The following GRID1 variants were observed in gnomAD, a reference collection of about 807,000 sequenced individuals.
GRID1 encodes glutamate receptor ionotropic, delta-1.
A neutral mutation model predicts 98.0 loss-of-function variants in GRID1; 28 were observed. The observed-to-expected ratio is 0.29, with a 90% CI of 0.21 to 0.39. GRID1 has a LOEUF of 0.39. Ranked by LOEUF, GRID1 falls within the 10% of genes least tolerant of loss-of-function variation. The probability of loss-of-function intolerance (pLI) is 1.00; values close to 1 mark genes in which losing one functional copy is unlikely to be tolerated. For synonymous variants in GRID1, 553 were observed against 538.5 expected, an observed-to-expected ratio of 1.03 and a Z score of -0.37; for missense variants, 1,111 against 1,340.5, an observed-to-expected ratio of 0.83 and a Z score of 2.67.
chr10:85,890,576 G>A (rs1841185609), intron 5 of GRID1, among the ~76,000 whole-genome samples: 1 of 152,162 alleles, frequency 6.6e-6, no homozygotes, highest in South Asian at 2.1e-4. Context: ...TTCTCACTGT[G>A]CCTCCAAAAC....
intron 3 of GRID1, among the ~76,000 whole-genome samples, chr10:86,139,588 C>A (rs1410405274): frequency 6.6e-6 from 1 of 152,200 alleles, no homozygotes; most frequent in Admixed American, 6.5e-5. Context: ...GGCATGGGAC[C>A]CTGTCTGGCT....
At chr10:85,997,854 A>T (rs1842758752) in intron 4 of GRID1, among the ~76,000 whole-genome samples, 1 of 152,236 alleles carries the variant, frequency 6.6e-6, no homozygotes. Flanking sequence ...ATATAGGTAG[A>T]TTAATCATAA....
intron 4 of GRID1, among the ~76,000 whole-genome samples, chr10:85,992,216 G>A (rs144882601): frequency 3.4e-4 from 52 of 152,194 alleles, no homozygotes; most frequent in African/African-American, 9.9e-4. Flanking sequence ...GGGGTTTAGG[G>A]AAGTACAGTG....
chr10:85,944,188 G>A (rs1842027777), intron 4 of GRID1, among the ~76,000 whole-genome samples: 1 of 152,234 alleles, frequency 6.6e-6, no homozygotes, highest in African/African-American at 2.4e-5. Context: ...CTTCCCGGCT[G>A]AGCCCAGCCC....
chr10:86,271,713 C>T (rs1047883916), intron 2 of GRID1, among the ~76,000 whole-genome samples: 13 of 151,844 alleles, frequency 8.6e-5, no homozygotes, highest in Non-Finnish European at 1.5e-5. Context: ...AGAAACTATC[C>T]AAAGTTAAAT....
At chr10:85,755,082 TC>T (rs1842084110) in intron 8 of GRID1, among the ~76,000 whole-genome samples, 1 of 151,982 alleles carries the variant, frequency 6.6e-6, no homozygotes, top group Admixed American at 6.6e-5. Context: ...TCTCCCTAGT[TC>T]CCCCCACTAT....
intron 4 of GRID1, among the ~76,000 whole-genome samples, chr10:86,008,890 A>G (rs927333348): frequency 3.3e-5 from 5 of 152,186 alleles, no homozygotes; most frequent in Non-Finnish European, 1.5e-5. Context: ...ACTCTTGCAC[A>G]TGTACAGCAG....
intron 2 of GRID1, among the ~76,000 whole-genome samples, chr10:86,245,805 C>A (rs925828362): frequency 3.3e-5 from 5 of 152,218 alleles, no homozygotes. Flanking sequence ...CACAGCTGGC[C>A]GGCCTTGGGC....
intron 2 of GRID1, among the ~76,000 whole-genome samples, chr10:86,299,303 T>TC (rs1480305083): frequency 4.7e-5 from 7 of 149,562 alleles, no homozygotes; most frequent in African/African-American, 1.7e-4. Flanking sequence ...TTTCCTGGCC[T>TC]CTGGTAACCA....
At chr10:86,327,820 G>A (rs1164154896) in intron 2 of GRID1, among the ~76,000 whole-genome samples, 1 of 152,082 alleles carries the variant, frequency 6.6e-6, no homozygotes, top group Non-Finnish European at 1.5e-5. Context: ...CCTGTCGCTG[G>A]GTGTGCAAAT....
chr10:86,320,699 A>T (rs1847958166), intron 2 of GRID1, among the ~76,000 whole-genome samples: 1 of 152,226 alleles, frequency 6.6e-6, no homozygotes, highest in South Asian at 2.1e-4. Flanking sequence ...ATTTTAACAA[A>T]CACACACACA....
chr10:85,755,973 G>T (rs1842094179), intron 8 of GRID1, among the ~76,000 whole-genome samples: 1 of 152,006 alleles, frequency 6.6e-6, no homozygotes, highest in Non-Finnish European at 1.5e-5. Context: ...TTCTCTCACT[G>T]TGGTCATCTC....
At chr10:85,814,094 T>C (rs1262647254) in intron 8 of GRID1, among the ~76,000 whole-genome samples, 1 of 151,866 alleles carries the variant, frequency 6.6e-6, no homozygotes, top group Non-Finnish European at 1.5e-5. Context: ...AACCCAACTC[T>C]ATCAATAATT....
intron 6 of GRID1, among the ~76,000 whole-genome samples, chr10:85,865,685 T>C (rs1227287035): frequency 1.3e-5 from 2 of 151,914 alleles, no homozygotes; most frequent in East Asian, 1.9e-4. Flanking sequence ...TAGTAGAAAT[T>C]AGTTTGCCTT....
At chr10:86,126,008 G>T (rs1342442277) in intron 4 of GRID1, among the ~76,000 whole-genome samples, 1 of 152,084 alleles carries the variant, frequency 6.6e-6, no homozygotes, top group Non-Finnish European at 1.5e-5. Flanking sequence ...ACAGATTTTT[G>T]ACTGCATGGG....
In GRID1 at chr10:86,078,291, C is replaced by T. The variant is rs530547448; in HGVS notation, c.726+60528G>A. Among the ~76,000 whole-genome samples, 7 of 152,392 alleles carry T rather than the reference C, an allele frequency of 4.6e-5. No homozygotes were observed. The South Asian group carries it at 8.3e-4, about 18-fold the overall frequency. On this transcript the variant is annotated intron_variant, in intron 4 of 15. Transcript: ENST00000327946. ...ATTTTAATGGACAACACAATTGATCCATTTCTGCCTGGGCTTTTTGCCTCC... is the reference window on the plus strand; with the variant it reads ...ATTTTAATGGACAACACAATTGATCTATTTCTGCCTGGGCTTTTTGCCTCC...
chr10:85,962,364 C>T (rs999668763), intron 4 of GRID1, among the ~76,000 whole-genome samples: 1 of 152,192 alleles, frequency 6.6e-6, no homozygotes, highest in Non-Finnish European at 1.5e-5. Context: ...CTTAAGGAGA[C>T]AACCTGAAGC....
At chr10:86,027,269 GC>G (rs928919021) in intron 4 of GRID1, among the ~76,000 whole-genome samples, 5 of 152,124 alleles carry the variant, frequency 3.3e-5, no homozygotes, top group African/African-American at 1.2e-4. Context: ...TTTCTCCGCA[GC>G]CCCTGCAACC....
rs10887509 is a variant in GRID1 at position 85,626,482 on chromosome 10, A to C, written c.2194-6449T>G. Reference sequence around the variant, plus strand: ...GTCTTTCCCTAGCTTTAGAAACAAAAGTGTTTCATGGAGTCACTGAAACTC... The same window carrying C: ...GTCTTTCCCTAGCTTTAGAAACAAACGTGTTTCATGGAGTCACTGAAACTC... On this transcript the variant is annotated intron_variant, in intron 13 of 15. Transcript: ENST00000327946. 3.2e-3 allele frequency among the ~76,000 whole-genome samples: 486 copies of C among 152,350 alleles called. 5 individuals are homozygous for C. The highest frequency in any genetic ancestry group is 5.3e-3 in the Non-Finnish European group (359 of 68,032).
Sources: allele counts gnomAD v4.1 joint callset (sites outside exome capture counted in the v4.1 genomes callset), GRCh38; gene constraint gnomAD v4.1.1; transcripts MANE v1.5; gene names NCBI Gene and HGNC (gene_info 2026-07-23, HGNC 2026-07-21).